Variants in CHL1 observed in about 807,000 individuals in gnomAD.
The protein encoded by CHL1 is neural cell adhesion molecule L1-like protein.
CHL1 carries 96 observed loss-of-function variants against 141.9 expected under a neutral mutation model. That is an observed-to-expected ratio of 0.68 (90% CI 0.57 to 0.80). The LOEUF is 0.80. Ranked by LOEUF, CHL1 falls within the 30% of genes least tolerant of loss-of-function variation. The pLI is 0.00. For missense variants in CHL1, 1,820 were observed against 1,457.2 expected, an observed-to-expected ratio of 1.25 and a Z score of -4.05; for synonymous variants, 613 against 502.2, an observed-to-expected ratio of 1.22 and a Z score of -2.95.
intron 2 of CHL1, among the ~76,000 whole-genome samples, chr3:317,659 A>T (rs915928514): frequency 6.6e-6 from 1 of 151,482 alleles, no homozygotes; most frequent in South Asian, 2.1e-4. Flanking sequence ...TTTCAGAAAA[A>T]AAAAAAAACA....
At chr3:308,352 C>T (rs1699430288) in intron 2 of CHL1, among the ~76,000 whole-genome samples, 1 of 152,176 alleles carries the variant, frequency 6.6e-6, no homozygotes, top group East Asian at 1.9e-4. Context: ...TGTACAGTCT[C>T]CTACAAATAT....
At chr3:293,074 G>A (rs1043142128) in intron 2 of CHL1, among the ~76,000 whole-genome samples, 4 of 152,136 alleles carry the variant, frequency 2.6e-5, no homozygotes, top group Admixed American at 1.3e-4. Context: ...AATGTTTATC[G>A]AACAGTTATT....
At chr3:249,456 A>G (rs58510967) in intron 2 of CHL1, among the ~76,000 whole-genome samples, 1,756 of 152,290 alleles carry the variant, frequency 0.012, 32 homozygotes, top group African/African-American at 0.04. Context: ...ACCCTGTGCA[A>G]TGTAATCTAC....
chr3:404,284 C>T (rs1709365296), intron 27 of CHL1, among the ~76,000 whole-genome samples: 2 of 152,024 alleles, frequency 1.3e-5, no homozygotes, highest in Admixed American at 6.6e-5. Flanking sequence ...CAAAGAAGTG[C>T]CATCCTGCTT....
intron 13 of CHL1, among the ~76,000 whole-genome samples, 189 bp from the exon 14 acceptor site, chr3:363,028 G>A (rs1414924405): frequency 3.9e-5 from 6 of 152,128 alleles, no homozygotes; most frequent in Non-Finnish European, 8.8e-5. Context: ...TATAGCCACA[G>A]TCTATTTGGG....
chr3:361,028 T>G (rs553740490), intron 12 of CHL1, among the ~76,000 whole-genome samples: 204 of 152,174 alleles, frequency 1.3e-3, no homozygotes, highest in South Asian at 2.7e-3. Flanking sequence ...TCTTTGCTAT[T>G]GTGAATAATG....
At position 394,683 on chromosome 3, in the gene CHL1, AT is replaced by A; in HGVS notation, c.2915-3del. The stretch of plus-strand genomic sequence containing the variant: ...TACATTTGAGCTGTTGTTCATGTTT[AT>A]TTTTTTAGTAAATGACACCTACGAG... On this transcript the variant is annotated splice_polypyrimidine_tract_variant and intron_variant, in intron 23 of 27. Coordinates refer to ENST00000256509, the MANE Select transcript of CHL1 (RefSeq NM_006614.4). The A allele has an allele frequency of 1.9e-6, 3 of 1,590,644 alleles. No individual in the cohort carries two copies. Among genetic ancestry groups the A allele is most frequent in the Non-Finnish European group, 2.6e-6 (3 of 1,165,448 alleles).
chr3:401,588 C>T (rs763714174), intron 26 of CHL1, 38 bp from the exon 27 acceptor site: 1 of 1,162,490 alleles, frequency 8.6e-7, no homozygotes, highest in Non-Finnish European at 1.3e-6. Context: ...TTTAAATGGT[C>T]ACTGTATTAC....
chr3:366,444 C>T (rs1704894805), intron 15 of CHL1, among the ~76,000 whole-genome samples: 1 of 149,490 alleles, frequency 6.7e-6, no homozygotes, highest in South Asian at 2.2e-4. Flanking sequence ...GTACTCCAGC[C>T]TGGGGGACAG....
At chr3:263,428 A>T (rs896523887) in intron 2 of CHL1, among the ~76,000 whole-genome samples, 1 of 152,056 alleles carries the variant, frequency 6.6e-6, no homozygotes, top group Non-Finnish European at 1.5e-5. Context: ...GTTTCTTTGT[A>T]TCCTTGTGAC....
chr3:365,031 G>C (rs1462013326), intron 14 of CHL1, among the ~76,000 whole-genome samples: 1 of 152,102 alleles, frequency 6.6e-6, no homozygotes, highest in Non-Finnish European at 1.5e-5. Flanking sequence ...GTCTCTTCAA[G>C]TTTTGTGCCT....
intron 1 of CHL1, among the ~76,000 whole-genome samples, chr3:214,234 TC>T (rs1241017863): frequency 1.3e-5 from 2 of 152,176 alleles, no homozygotes; most frequent in African/African-American, 2.4e-5. Flanking sequence ...GTTAATTTCT[TC>T]TCTACGTTTC....
Position 289,745 on chromosome 3 carries a change from T to TG in CHL1, c.-94-29938_-94-29937insG. ...AATACATATCTTATTTAATACATAT[T>TG]TTATGCTCATTAATACATTTATTTA... On this transcript the variant is annotated intron_variant, in intron 2 of 27. Transcript: ENST00000256509. Among the ~76,000 whole-genome samples, 5 of 150,772 alleles carry TG rather than the reference T, an allele frequency of 3.3e-5. No individual in the cohort carries two copies. The East Asian group carries it at 9.7e-4, about 29-fold the overall frequency.
chr3:314,140 T>A (rs1575040553), intron 2 of CHL1, among the ~76,000 whole-genome samples: 1 of 151,902 alleles, frequency 6.6e-6, no homozygotes, highest in Middle Eastern at 3.4e-3. Flanking sequence ...CAAGATTTTG[T>A]CTACCTTTTG....
At position 319,848 on chromosome 3, in the gene CHL1, A is replaced by G; in HGVS notation, c.72A>G (p.Ala24=). 1 of 1,593,226 alleles carries G rather than the reference A, an allele frequency of 6.3e-7. No individual in the cohort carries two copies. The highest frequency in any genetic ancestry group is 8.6e-7 in the Non-Finnish European group (1 of 1,163,384). The change falls in exon 3 of 28, where the codon GCA becomes GCG. Residue 24 remains alanine, a synonymous_variant. Coordinates refer to ENST00000256509, the MANE Select transcript of CHL1 (RefSeq NM_006614.4). ...LMFLLLKFSK[A]IEIPSSVQQV... The stretch of plus-strand genomic sequence containing the variant: ...TCCTCCTGTTAAAATTCTCAAAAGC[A>G]ATTGAAATACCATCTTCAGGTAAAG...
At chr3:371,089 G>A (rs1705569787) in intron 15 of CHL1, among the ~76,000 whole-genome samples, 1 of 152,128 alleles carries the variant, frequency 6.6e-6, no homozygotes, top group Non-Finnish European at 1.5e-5. Context: ...GTTGATTTGG[G>A]GTGGAGAGTT....
At chr3:331,452 G>A (rs1373618325) in intron 5 of CHL1, among the ~76,000 whole-genome samples, 3 of 151,726 alleles carry the variant, frequency 2.0e-5, no homozygotes, top group Non-Finnish European at 4.4e-5. Flanking sequence ...ATGTTGCCCC[G>A]GGTGGTCTTG....
In CHL1 at chr3:374,462, G is replaced by A. The variant is rs145933369; in HGVS notation, c.1752-3356G>A. 1.5e-3 allele frequency among the ~76,000 whole-genome samples: 221 copies of A among 152,228 alleles called. 1 individual carries two copies. Among genetic ancestry groups the A allele is most frequent in the Middle Eastern group, 3.4e-3 (1 of 294 alleles). On this transcript the variant is annotated intron_variant, in intron 15 of 27. Transcript: ENST00000256509. ...TGGGCTACAGCCAAGAAGGGAATCAGAGACCCATGGCTGGTGGGTAATATG... is the reference window on the plus strand; with the variant it reads ...TGGGCTACAGCCAAGAAGGGAATCAAAGACCCATGGCTGGTGGGTAATATG...
chr3:361,649 A>C, intron 12 of CHL1, 50 bp from the exon 13 acceptor site: 2 of 1,279,656 alleles, frequency 1.6e-6, no homozygotes, highest in South Asian at 1.2e-5. Context: ...TAATTTGCAT[A>C]TCTTTCTTCC....
Sources: gnomAD v4.1 joint callset for allele counts (sites outside exome capture counted in the v4.1 genomes callset) on GRCh38, gnomAD v4.1.1 for gene constraint, MANE v1.5 for transcripts, NCBI Gene and HGNC (gene_info 2026-07-23, HGNC 2026-07-21) for gene names.